The following CCDC149 variants were observed in gnomAD, a reference collection of about 807,000 sequenced individuals.
The protein encoded by CCDC149 is coiled-coil domain-containing protein 149.
In CCDC149, 45 loss-of-function variants were observed where a neutral mutation model predicts 59.9. The ratio of observed to expected loss-of-function variants is 0.75; its 90% CI spans 0.59 to 0.96. The LOEUF (loss-of-function observed/expected upper bound fraction) is 0.96, where lower values mean the gene tolerates loss of function less well. CCDC149 is among the 40% of genes least tolerant of loss of function. The pLI is 0.00. For missense variants in CCDC149, 584 were observed against 664.7 expected (o/e 0.88, Z 1.33); for synonymous variants, 245 against 260.6 (o/e 0.94, Z 0.58).
At chr4:24,868,557 G>A (rs752164318) in intron 3 of CCDC149, among the ~76,000 whole-genome samples, 6 of 151,958 alleles carry the variant, frequency 3.9e-5, no homozygotes, top group Admixed American at 6.6e-5. Context: ...TTGTCTGTTC[G>A]TAGCATCTCT....
rs577433940 is a variant in CCDC149 at position 24,905,262 on chromosome 4, A to C, written c.63+7555T>G. On this transcript the variant is annotated intron_variant, in intron 1 of 12. Transcript: ENST00000635206. Reference sequence around the variant, plus strand: ...TGGATACTAGATGTGTGTTGTGCACATATTTTCTCCCAGTCTGTGACTCTT... The same window carrying C: ...TGGATACTAGATGTGTGTTGTGCACCTATTTTCTCCCAGTCTGTGACTCTT... Among the ~76,000 whole-genome samples, 4 of 152,014 alleles carry C rather than the reference A, an allele frequency of 2.6e-5. No individual in the cohort carries two copies. In the East Asian group the frequency reaches 5.8e-4, roughly 22 times the overall value.
At chr4:24,896,864 A>C (rs1348669945) in intron 1 of CCDC149, among the ~76,000 whole-genome samples, 3 of 152,244 alleles carry the variant, frequency 2.0e-5, no homozygotes, top group Non-Finnish European at 2.9e-5. Context: ...CCAAAAGAAA[A>C]AAAAAATCAA....
chr4:24,929,240 C>G (rs988538461), intron 1 of CCDC149, among the ~76,000 whole-genome samples: 2 of 152,118 alleles, frequency 1.3e-5, no homozygotes, highest in Admixed American at 1.3e-4. Context: ...AACAGCCCGT[C>G]GTCTGCAGCA....
intron 1 of CCDC149, among the ~76,000 whole-genome samples, chr4:24,959,130 C>T (rs866197816): frequency 6.6e-6 from 1 of 152,104 alleles, no homozygotes; most frequent in Admixed American, 6.5e-5. Flanking sequence ...TGTGCCACCA[C>T]GGCCAGCTAA....
intron 3 of CCDC149, among the ~76,000 whole-genome samples, chr4:24,861,923 A>G (rs1718413517): frequency 6.6e-6 from 1 of 152,160 alleles, no homozygotes; most frequent in South Asian, 2.1e-4. Flanking sequence ...AAGGCAACTG[A>G]GAATCAACAA....
chr4:24,824,699 G>A (rs1306491267), intron 9 of CCDC149, among the ~76,000 whole-genome samples: 5 of 152,206 alleles, frequency 3.3e-5, no homozygotes, highest in Non-Finnish European at 7.3e-5. Context: ...AGGAACAGAA[G>A]TTAGTTAACT....
At chr4:24,948,614 T>G (rs1191927006) in intron 1 of CCDC149, among the ~76,000 whole-genome samples, 5 of 152,074 alleles carry the variant, frequency 3.3e-5, no homozygotes, top group Non-Finnish European at 5.9e-5. Flanking sequence ...CACCTACAAC[T>G]CCCTCCCTCC....
At chr4:24,908,730 G>A (rs1721690669) in intron 1 of CCDC149, among the ~76,000 whole-genome samples, 1 of 152,142 alleles carries the variant, frequency 6.6e-6, no homozygotes, top group South Asian at 2.1e-4. Context: ...CCAAAAATCA[G>A]TCTCTACTTT....
chr4:24,937,834 C>T (rs1722828412), intron 1 of CCDC149, among the ~76,000 whole-genome samples: 1 of 152,094 alleles, frequency 6.6e-6, no homozygotes, highest in Non-Finnish European at 1.5e-5. Context: ...AGTAAATGTC[C>T]CTGCTGTTCT....
At chr4:24,947,539 T>G (rs918797360) in intron 1 of CCDC149, among the ~76,000 whole-genome samples, 1 of 152,170 alleles carries the variant, frequency 6.6e-6, no homozygotes, top group African/African-American at 2.4e-5. Flanking sequence ...TCCTCCCTCC[T>G]AACCTACAAA....
At chr4:24,818,720 CATG>C (rs1028043277) in intron 12 of CCDC149, among the ~76,000 whole-genome samples, 2 of 152,210 alleles carry the variant, frequency 1.3e-5, no homozygotes, top group African/African-American at 4.8e-5. Flanking sequence ...TGAGCGTCCT[CATG>C]ATATGGTTGT....
At chr4:24,854,800 G>T (rs552304546) in intron 3 of CCDC149, among the ~76,000 whole-genome samples, 2 of 152,154 alleles carry the variant, frequency 1.3e-5, no homozygotes, top group African/African-American at 4.8e-5. Context: ...CCCCCACACA[G>T]ACCAGGCATG....
chr4:24,868,431 C>T (rs16876266), intron 3 of CCDC149, among the ~76,000 whole-genome samples: 3,769 of 152,228 alleles, frequency 0.025, 147 homozygotes, highest in African/African-American at 0.086. Flanking sequence ...AGAGCTATTT[C>T]CCCACTTGTT....
intron 1 of CCDC149, among the ~76,000 whole-genome samples, chr4:24,946,774 T>G (rs1383213911): frequency 6.6e-6 from 1 of 152,206 alleles, no homozygotes; most frequent in Non-Finnish European, 1.5e-5. Context: ...AAGGCCAGCT[T>G]TGTGATTAGT....
chr4:24,876,338 CACAGAG>C (rs1476401828), intron 2 of CCDC149, among the ~76,000 whole-genome samples, 192 bp downstream of exon 2: 22 of 119,470 alleles, frequency 1.8e-4, no homozygotes, highest in East Asian at 6.8e-4. Context: ...CACACACACA[CACAGAG>C]AGAGAGAGAG....
chr4:24,920,529 G>C (rs1207918333), intron 1 of CCDC149, among the ~76,000 whole-genome samples: 1 of 152,202 alleles, frequency 6.6e-6, no homozygotes, highest in East Asian at 1.9e-4. Context: ...AACTGGCATA[G>C]AGTCACTTCC....
chr4:24,830,987 A>G (rs1404334194), intron 9 of CCDC149: 1 of 153,920 alleles, frequency 6.5e-6, no homozygotes, highest in East Asian at 1.9e-4. Context: ...TCAACATGCT[A>G]TAAAAACCAG....
intron 1 of CCDC149, among the ~76,000 whole-genome samples, chr4:24,921,561 T>C (rs1722295890): frequency 6.6e-6 from 1 of 152,170 alleles, no homozygotes; most frequent in African/African-American, 2.4e-5. Flanking sequence ...CAGGTGGTGC[T>C]GGTACCTCAG....
At chr4:24,878,197 T>C (rs1719592543) in intron 1 of CCDC149, among the ~76,000 whole-genome samples, 1 of 135,056 alleles carries the variant, frequency 7.4e-6, no homozygotes, top group African/African-American at 2.8e-5. Flanking sequence ...GTTTTGTGCA[T>C]TTGCACAATT....
Sources: allele counts gnomAD v4.1 joint callset (sites outside exome capture counted in the v4.1 genomes callset), GRCh38; gene constraint gnomAD v4.1.1; transcripts MANE v1.5; gene names NCBI Gene and HGNC (gene_info 2026-07-23, HGNC 2026-07-21).